MYBPC1: variants seen among roughly 807,000 people sequenced by gnomAD.
MYBPC1 encodes myosin binding protein C1, also known as myosin-binding protein C, slow-type.
MYBPC1 carries 52 observed loss-of-function variants against 147.1 expected under a neutral mutation model. The ratio of observed to expected loss-of-function variants is 0.35; its 90% CI spans 0.28 to 0.45. The LOEUF is 0.45. Among genes scored for constraint, MYBPC1 ranks in the 20% least tolerant of loss-of-function variants. MYBPC1 has a pLI of 1.00. For synonymous variants in MYBPC1, 477 were observed against 475.9 expected (o/e 1.00, Z -0.03); for missense variants, 1,228 against 1,440.3 (o/e 0.85, Z 2.39).
chr12:101,671,337 ACT>A lies in MYBPC1; in HGVS notation c.2613+930_2613+931del, dbSNP rs1310159443. ...CACACACACACACACACACACACAC[ACT>A]CACACACACACACTCACACATGCAC... is the stretch of plus-strand genomic sequence containing the variant. On this transcript the variant is annotated intron_variant, in intron 24 of 31. Transcript: ENST00000361466. 7.2e-3 allele frequency among the ~76,000 whole-genome samples: 686 copies of A among 95,616 alleles called. 4 individuals are homozygous for A. Among genetic ancestry groups the A allele is most frequent in the African/African-American group, 0.016 (540 of 34,366 alleles). 62.7% of individuals were successfully genotyped at this position (95,616 alleles called of 152,430 possible). A position where few individuals can be genotyped will look rare whatever the true frequency, so the allele number is the denominator to read the frequency against.
At chr12:101,610,551 T>C (rs149690999) in intron 1 of MYBPC1, among the ~76,000 whole-genome samples, 41 of 152,266 alleles carry the variant, frequency 2.7e-4, no homozygotes, top group Non-Finnish European at 4.7e-4. Flanking sequence ...ATGATCATAA[T>C]GATAAAAGCC....
intron 3 of MYBPC1, among the ~76,000 whole-genome samples, chr12:101,625,059 A>T (rs143751073): frequency 6.6e-6 from 1 of 152,162 alleles, no homozygotes; most frequent in South Asian, 2.1e-4. Context: ...AAAACTGGTT[A>T]TGACTTGATC....
chr12:101,653,659 A>T (rs1894985890), intron 18 of MYBPC1, among the ~76,000 whole-genome samples: 1 of 152,200 alleles, frequency 6.6e-6, no homozygotes, highest in Admixed American at 6.5e-5. Flanking sequence ...CTCTGTGAAG[A>T]ACAAGGAACC....
chr12:101,687,735 G>C (rs1334702286), downstream of MYBPC1, among the ~76,000 whole-genome samples: 10 of 152,194 alleles, frequency 6.6e-5, no homozygotes, highest in Admixed American at 6.5e-4. Flanking sequence ...CGAGCTGGCT[G>C]CTTAACTCAA....
rs369205393 is a variant in MYBPC1, at chr12:101,641,102, ACT to A, written c.666-1314_666-1313del. 6.1e-3 allele frequency among the ~76,000 whole-genome samples: 842 copies of A among 137,960 alleles called. 5 individuals carry two copies. Among genetic ancestry groups the A allele is most frequent in the African/African-American group, 0.022 (795 of 36,496 alleles). The allele number at this position is 137,960 out of a possible 152,430, so 90.5% of individuals were successfully genotyped here. On this transcript the variant is annotated intron_variant, in intron 10 of 31. Transcript: ENST00000361466. ...ACTCCAACCTGGGCAACAGAGTGAG[ACT>A]CTGTCTCAAAGAAAAAAAAAAAAAA...
intron 1 of MYBPC1, among the ~76,000 whole-genome samples, chr12:101,612,533 G>A (rs1375642292): frequency 6.6e-6 from 1 of 152,200 alleles, no homozygotes; most frequent in Non-Finnish European, 1.5e-5. Context: ...CGAACCTGGG[G>A]AGTGTAGACC....
intron 1 of MYBPC1, among the ~76,000 whole-genome samples, chr12:101,607,711 C>G (rs574051170): frequency 6.6e-6 from 1 of 151,832 alleles, no homozygotes; most frequent in African/African-American, 2.4e-5. Context: ...TATATAAGGG[C>G]CCATAAGATA....
At chr12:101,671,412 A>G (rs1327919859) in intron 24 of MYBPC1, among the ~76,000 whole-genome samples, 3 of 152,002 alleles carry the variant, frequency 2.0e-5, no homozygotes, top group East Asian at 1.9e-4. Flanking sequence ...CTCCCATGAA[A>G]CCAAACTAAA....
chr12:101,614,512 C>T lies in MYBPC1; in HGVS notation c.42C>T (p.Ala14=). The T allele has an allele frequency of 6.2e-7, 1 of 1,613,732 alleles. No individual in the cohort carries two copies. The highest frequency in any genetic ancestry group is 8.5e-7 in the Non-Finnish European group (1 of 1,179,910). The change falls in exon 2 of 32, where the codon GCC becomes GCT. Residue 14 remains alanine (A), a synonymous_variant. Transcript: ENST00000361466. ...CATTTCTAGAAAATGAAGTGCCAGC[C>T]CCAGCCCCACCCCCGGAAGGTGAGT... The part of the protein sequence containing the change: ...PTKKEENEVP[A]PAPPPEEPSK...
chr12:101,621,163 C>T (rs1402549609), intron 3 of MYBPC1, among the ~76,000 whole-genome samples: 1 of 152,152 alleles, frequency 6.6e-6, no homozygotes, highest in African/African-American at 2.4e-5. Context: ...GTACGATTTA[C>T]CTTTAGGTGT....
chr12:101,606,030 A>G (rs546374184), intron 1 of MYBPC1, among the ~76,000 whole-genome samples: 1 of 152,138 alleles, frequency 6.6e-6, no homozygotes, highest in East Asian at 1.9e-4. Flanking sequence ...CTTCGTCTCT[A>G]CTAAAAATAC....
At chr12:101,631,134 T>A (rs1889795423) in intron 6 of MYBPC1, among the ~76,000 whole-genome samples, 1 of 152,190 alleles carries the variant, frequency 6.6e-6, no homozygotes, top group Non-Finnish European at 1.5e-5. Flanking sequence ...AGGCTTCTCA[T>A]CACCTTGCCT....
rs1335365148 is a variant in MYBPC1 at position 101,644,704 on chromosome 12, A to G, written c.873A>G (p.Lys291=). The change falls in exon 12 of 32, where the codon AAA becomes AAG. Residue 291 remains lysine (K), a synonymous_variant. Coordinates refer to ENST00000361466, the MANE Select transcript of MYBPC1 (RefSeq NM_002465.4). Reference sequence around the variant, plus strand: ...TTGATCCTGCATATCAGGTTGACAAAGGAGGCAGAGTGAGGTTTGTTGTGG... The same window carrying G: ...TTGATCCTGCATATCAGGTTGACAAGGGAGGCAGAGTGAGGTTTGTTGTGG... The part of the protein sequence containing the change: ...KILDPAYQVD[K]GGRVRFVVEL... 6.2e-7 allele frequency: 1 copy of G among 1,613,916 alleles called. No homozygotes were observed. Among genetic ancestry groups the G allele is most frequent in the Non-Finnish European group, 8.5e-7 (1 of 1,179,914 alleles).
chr12:101,614,373 T>C (rs985630849), intron 1 of MYBPC1, 123 bp from the exon 2 acceptor site: 1 of 943,310 alleles, frequency 1.1e-6, no homozygotes. Flanking sequence ...CCCTCCTCCA[T>C]CCCTCTTGTG....
rs759901200 is a variant in MYBPC1, at chr12:101,636,756, T to A, written c.665+28T>A. On this transcript the variant is annotated intron_variant, in intron 10 of 31. Transcript: ENST00000361466. ...GAGAACAAAGTGATGGAGTGAGACA[T>A]TGTGGCCTGGAAGTCTTTCAGACAC... 5 of 1,602,622 alleles carry A rather than the reference T, an allele frequency of 3.1e-6. No homozygotes were observed. In the South Asian group the frequency reaches 5.5e-5, roughly 18 times the overall value.
rs1189753198 is a variant in MYBPC1, at chr12:101,685,615, G to A, written c.*53G>A. ...TCCTTCTGCAGACTCCTCTTGCAAG[G>A]CGTACCTCCAAACATAATTGATTCG... is the stretch of plus-strand genomic sequence containing the variant. On this transcript the variant is annotated 3_prime_UTR_variant, in exon 32 of 32. Transcript: ENST00000361466. The A allele has an allele frequency of 6.5e-7, 1 of 1,534,704 alleles. No individual in the cohort carries two copies. The highest frequency in any genetic ancestry group is 2.4e-5 in the East Asian group (1 of 40,888).
At chr12:101,613,090 C>T (rs868289886) in intron 1 of MYBPC1, among the ~76,000 whole-genome samples, 3 of 152,082 alleles carry the variant, frequency 2.0e-5, no homozygotes, top group African/African-American at 7.2e-5. Flanking sequence ...TTATTTATGG[C>T]CATCTGAATA....
the MYBPC1 span, among the ~76,000 whole-genome samples, chr12:101,693,986 T>C: frequency 6.6e-6 from 1 of 152,216 alleles, no homozygotes; most frequent in Non-Finnish European, 1.5e-5. Flanking sequence ...CCAGCCATTT[T>C]TGATCACAAG....
At chr12:101,631,487 A>C (rs536768731) in intron 6 of MYBPC1, 84 bp from the exon 7 acceptor site, 18 of 1,428,932 alleles carry the variant, frequency 1.3e-5, no homozygotes, top group South Asian at 9.2e-5. Context: ...TCTGTAGTGC[A>C]GTCCCATGTC....
Sources: gnomAD v4.1 joint callset for allele counts (sites outside exome capture counted in the v4.1 genomes callset) on GRCh38, gnomAD v4.1.1 for gene constraint, MANE v1.5 for transcripts, NCBI Gene and HGNC (gene_info 2026-07-23, HGNC 2026-07-21) for gene names.